The following DNAAF6 variants were observed in gnomAD, a reference collection of about 807,000 sequenced individuals.
DNAAF6 encodes the protein PIH1 domain containing 3.
Under a neutral mutation model 13.7 loss-of-function variants are expected in DNAAF6, and 3 were observed. That is an observed-to-expected ratio of 0.22 (90% CI 0.10 to 0.56). The LOEUF is 0.56. Among genes scored for constraint, DNAAF6 ranks in the 20% least tolerant of loss-of-function variants. The pLI is 0.92. For synonymous variants in DNAAF6, 54 were observed against 49.2 expected (o/e 1.10, Z -0.41); for missense variants, 130 against 151.0 (o/e 0.86, Z 0.73).
chrX:107,234,361 G>C (rs765949166), intron 5 of DNAAF6, among the ~76,000 whole-genome samples: 2 of 111,779 alleles, frequency 1.8e-5, no homozygotes, highest in South Asian at 7.5e-4. Flanking sequence ...TTTTCCTATA[G>C]ATTATCATTC....
At chrX:107,213,840 A>G (rs1176917750) in intron 2 of DNAAF6, among the ~76,000 whole-genome samples, 1 of 112,171 alleles carries the variant, frequency 8.9e-6, no homozygotes, top group Non-Finnish European at 1.9e-5. Flanking sequence ...GTCAATTTGC[A>G]TAAAATTATT....
In DNAAF6 at chrX:107,243,458, C is replaced by A. The variant is rs181647931; in HGVS notation, c.*160C>A. On this transcript the variant is annotated 3_prime_UTR_variant, in exon 7 of 7. Coordinates refer to ENST00000372453, the MANE Select transcript of DNAAF6 (RefSeq NM_173494.2). ...ATATTGTGACCATTTACAGTAATTTCTATTACTCTGTTAGGAAATATGTTT... is the reference window on the plus strand; with the variant it reads ...ATATTGTGACCATTTACAGTAATTTATATTACTCTGTTAGGAAATATGTTT... The A allele has an allele frequency of 3.7e-4, 253 of 687,590 alleles. 1 individual carries two copies. In the African/African-American group the frequency reaches 5.1e-3, roughly 14 times the overall value. The allele number at this position is 687,590 out of a possible 1,213,427, so 56.7% of individuals were successfully genotyped here. A position where few individuals can be genotyped will look rare whatever the true frequency, so the allele number is the denominator to read the frequency against.
At chrX:107,223,964 AT>A (rs1392460943) in intron 5 of DNAAF6, among the ~76,000 whole-genome samples, 2 of 111,444 alleles carry the variant, frequency 1.8e-5, no homozygotes, top group East Asian at 5.6e-4. Flanking sequence ...ATTGCTCTAA[AT>A]TCTGGAGGAA....
chrX:107,239,142 G>A (rs1928578760), intron 6 of DNAAF6, 135 bp downstream of exon 6: 23 of 929,092 alleles, frequency 2.5e-5, no homozygotes, highest in Non-Finnish European at 3.2e-5. Context: ...GTATTCAGAT[G>A]TTTGATCTAC....
At position 107,243,509 on chromosome X, in the gene DNAAF6, C is replaced by A; in HGVS notation, c.*211C>A. 2.6e-6 allele frequency: 1 copy of A among 386,602 alleles called. No homozygotes were observed. The highest frequency in any genetic ancestry group is 3.8e-6 in the Non-Finnish European group (1 of 259,754). The allele number at this position is 386,602 out of a possible 1,213,427, so 31.9% of individuals were successfully genotyped here. Reference sequence around the variant, plus strand: ...CCTTGGCCAGGTGCAATGGCTCATGCCTGTAATCCCAACACTTTGGGAGGC... The same window carrying A: ...CCTTGGCCAGGTGCAATGGCTCATGACTGTAATCCCAACACTTTGGGAGGC... On this transcript the variant is annotated 3_prime_UTR_variant, in exon 7 of 7. Coordinates refer to ENST00000372453, the MANE Select transcript of DNAAF6 (RefSeq NM_173494.2).
intron 6 of DNAAF6, among the ~76,000 whole-genome samples, chrX:107,240,134 A>G (rs1928596078): frequency 8.9e-6 from 1 of 111,977 alleles, no homozygotes; most frequent in Admixed American, 9.5e-5. Flanking sequence ...AGATTGATGG[A>G]GACAGCAGAA....
At chrX:107,210,639 G>A (rs1014260853) in intron 1 of DNAAF6, among the ~76,000 whole-genome samples, 4 of 109,886 alleles carry the variant, frequency 3.6e-5, no homozygotes, top group Admixed American at 9.8e-5. Context: ...GGCTGATCTC[G>A]AACTCCTGAG....
At chrX:107,241,184 A>C (rs1928616476) in intron 6 of DNAAF6, among the ~76,000 whole-genome samples, 1 of 112,257 alleles carries the variant, frequency 8.9e-6, no homozygotes, top group Admixed American at 9.4e-5. Flanking sequence ...TCCTTTGCTT[A>C]AATCTCTTGT....
intron 5 of DNAAF6, among the ~76,000 whole-genome samples, chrX:107,224,437 A>G (rs1928212827): frequency 9.0e-6 from 1 of 111,619 alleles, no homozygotes; most frequent in African/African-American, 3.2e-5. Flanking sequence ...ATGTTACTAC[A>G]TACCAGGGAC....
chrX:107,219,718 T>G (rs1297152346), intron 4 of DNAAF6, among the ~76,000 whole-genome samples: 1 of 111,342 alleles, frequency 9.0e-6, no homozygotes, highest in African/African-American at 3.3e-5. Context: ...TACTAAATTA[T>G]AATGTACTAT....
chrX:107,231,375 T>C (rs1206177205), intron 5 of DNAAF6, among the ~76,000 whole-genome samples: 2 of 111,711 alleles, frequency 1.8e-5, no homozygotes, highest in Non-Finnish European at 3.8e-5. Context: ...AACAAAAATA[T>C]AAATTTCTCA....
chrX:107,233,007 A>G (rs896593955), intron 5 of DNAAF6, among the ~76,000 whole-genome samples: 8 of 111,450 alleles, frequency 7.2e-5, no homozygotes, highest in African/African-American at 9.8e-5. Flanking sequence ...CTCCCAAAGC[A>G]CTGAGATTAT....
chrX:107,212,174 A>G (rs998950865), intron 1 of DNAAF6, among the ~76,000 whole-genome samples: 1 of 111,176 alleles, frequency 9.0e-6, no homozygotes, highest in African/African-American at 3.3e-5. Flanking sequence ...TTCAGAATTA[A>G]TCTGGTTTTT....
chrX:107,216,820 A>G (rs959190341), intron 3 of DNAAF6, 77 bp downstream of exon 3: 5 of 651,161 alleles, frequency 7.7e-6, no homozygotes, highest in Non-Finnish European at 9.0e-6. Context: ...AGTAATAAGT[A>G]CTAATACTAG....
chrX:107,214,246 G>A (rs1454691479), intron 2 of DNAAF6, among the ~76,000 whole-genome samples: 5 of 111,975 alleles, frequency 4.5e-5, no homozygotes, highest in Non-Finnish European at 9.4e-5. Flanking sequence ...TAGGAACAAT[G>A]TATCAATGAA....
chrX:107,232,351 A>G (rs1449773267), intron 5 of DNAAF6, among the ~76,000 whole-genome samples: 2 of 109,657 alleles, frequency 1.8e-5, no homozygotes, highest in East Asian at 5.7e-4. Context: ...CAGGCACCCC[A>G]TAAACCTTTT....
At chrX:107,208,511 A>C (rs1421766206) in intron 1 of DNAAF6, among the ~76,000 whole-genome samples, 1 of 109,642 alleles carries the variant, frequency 9.1e-6, no homozygotes, top group Non-Finnish European at 1.9e-5. Context: ...AATGACTAAA[A>C]CAGAGGAAAT....
At chrX:107,212,541 G>A (rs1209365422) in intron 1 of DNAAF6, among the ~76,000 whole-genome samples, 1 of 111,246 alleles carries the variant, frequency 9.0e-6, no homozygotes, top group Non-Finnish European at 1.9e-5. Context: ...CTAGAGGTAG[G>A]GCTTAAGAAT....
At chrX:107,207,614 G>C (rs1173258455) in intron 1 of DNAAF6, among the ~76,000 whole-genome samples, 1 of 111,943 alleles carries the variant, frequency 8.9e-6, no homozygotes, top group African/African-American at 3.2e-5. Flanking sequence ...AATAGGACTA[G>C]GGAGAAAATT....
Sources: allele counts gnomAD v4.1 joint callset (sites outside exome capture counted in the v4.1 genomes callset), GRCh38; gene constraint gnomAD v4.1.1; transcripts MANE v1.5; gene names NCBI Gene and HGNC (gene_info 2026-07-23, HGNC 2026-07-21).